The following TUSC3 variants were observed in gnomAD, a reference collection of about 807,000 sequenced individuals.
TUSC3 encodes the protein tumor suppressor candidate 3, also known as dolichyl-diphosphooligosaccharide--protein glycosyltransferase subunit TUSC3.
In TUSC3, 45 loss-of-function variants were observed where a neutral mutation model predicts 44.8. That is an observed-to-expected ratio of 1.00 (90% CI 0.79 to 1.29). TUSC3 has a LOEUF of 1.29. Among genes scored for constraint, TUSC3 ranks in the 50% most tolerant of loss-of-function variants. The pLI, the probability that TUSC3 is intolerant of heterozygous loss-of-function variation, is 0.00. For missense variants in TUSC3, 519 were observed against 437.9 expected, an observed-to-expected ratio of 1.19 and a Z score of -1.65; for synonymous variants, 212 against 152.9, an observed-to-expected ratio of 1.39 and a Z score of -2.85.
intron 1 of TUSC3, among the ~76,000 whole-genome samples, chr8:15,424,326 C>G (rs1475320150): frequency 6.6e-6 from 1 of 151,986 alleles, no homozygotes; most frequent in African/African-American, 2.4e-5. Flanking sequence ...CTCAGCAACT[C>G]TAGAACAACC....
chr8:15,792,595 TTTC>T, the TUSC3 span, among the ~76,000 whole-genome samples: 3 of 152,064 alleles, frequency 2.0e-5, no homozygotes, highest in Non-Finnish European at 4.4e-5. Flanking sequence ...ATACCTACTA[TTTC>T]TTTTTTTCTT....
chr8:15,602,290 T>G (rs956533190), intron 1 of TUSC3, among the ~76,000 whole-genome samples: 1 of 151,670 alleles, frequency 6.6e-6, no homozygotes, highest in Non-Finnish European at 1.5e-5. Context: ...TGCAGAACTA[T>G]TTAGCTTTTG....
the TUSC3 span, among the ~76,000 whole-genome samples, chr8:15,825,021 C>A: frequency 1.3e-5 from 2 of 152,126 alleles, no homozygotes; most frequent in Non-Finnish European, 2.9e-5. Context: ...TTTAAATTTT[C>A]AAAGGTTATA....
chr8:15,477,320 G>T (rs1368172388), intron 1 of TUSC3, among the ~76,000 whole-genome samples: 1 of 152,086 alleles, frequency 6.6e-6, no homozygotes, highest in Non-Finnish European at 1.5e-5. Flanking sequence ...AAGAAACTTT[G>T]CCTATAACCT....
chr8:15,512,970 C>G (rs188305511), intron 2 of TUSC3, among the ~76,000 whole-genome samples: 2 of 110,040 alleles, frequency 1.8e-5, no homozygotes, highest in Non-Finnish European at 1.7e-5. Context: ...GATTCTTTTT[C>G]TCTGGAAAAT....
At chr8:15,524,072 T>A (rs968113246) in intron 2 of TUSC3, among the ~76,000 whole-genome samples, 11 of 132,770 alleles carry the variant, frequency 8.3e-5, no homozygotes, top group African/African-American at 1.1e-4. Context: ...AAAAAAAAAA[T>A]AGAAATCAGA....
chr8:15,615,277 G>A (rs918218619), intron 1 of TUSC3, among the ~76,000 whole-genome samples: 25 of 152,200 alleles, frequency 1.6e-4, no homozygotes, highest in Admixed American at 2.0e-4. Flanking sequence ...TTATTCAGCT[G>A]TAAGAAGAAA....
At chr8:15,449,710 T>A (rs1201718630) in intron 1 of TUSC3, among the ~76,000 whole-genome samples, 3 of 152,194 alleles carry the variant, frequency 2.0e-5, no homozygotes. Context: ...CCTTTCAGTC[T>A]GCTGGGGGCT....
At chr8:15,597,124 G>GA (rs1804106721) in intron 1 of TUSC3, among the ~76,000 whole-genome samples, 1 of 152,134 alleles carries the variant, frequency 6.6e-6, no homozygotes, top group Non-Finnish European at 1.5e-5. Context: ...AGAATATGGA[G>GA]ATGAGGTAGC....
intron 9 of TUSC3, chr8:15,748,726 A>AT (rs755542684): frequency 1.6e-6 from 1 of 606,538 alleles, no homozygotes; most frequent in Non-Finnish European, 3.1e-6. Context: ...GTTTAAGCTC[A>AT]TTTTGAGGAC....
intron 1 of TUSC3, among the ~76,000 whole-genome samples, chr8:15,589,695 G>A (rs1803742404): frequency 6.7e-6 from 1 of 148,368 alleles, no homozygotes; most frequent in African/African-American, 2.5e-5. Context: ...AGAAAAAAAT[G>A]CATGTCTGAT....
chr8:15,780,495 G>A, the TUSC3 span, among the ~76,000 whole-genome samples: 1 of 152,238 alleles, frequency 6.6e-6, no homozygotes, highest in South Asian at 2.1e-4. Flanking sequence ...CACTTGCAGG[G>A]GCTTCATTCC....
chr8:15,428,377 C>T lies in TUSC3; in HGVS notation n.91+11072C>T, dbSNP rs1194995398. 2.6e-5 allele frequency among the ~76,000 whole-genome samples: 4 copies of T among 151,926 alleles called. No individual in the cohort carries two copies. The East Asian group carries it at 5.8e-4, about 22-fold the overall frequency. ...CTTAATCCAGTCTATCATTGTTGGA[C>T]ATTTGGGTTGGTTCCAAGTCTTTGC... On this transcript the variant is annotated intron_variant and non_coding_transcript_variant, in intron 1 of 5. Transcript: ENST00000503191.
chr8:15,772,020 C>T, the TUSC3 span, among the ~76,000 whole-genome samples: 2 of 151,952 alleles, frequency 1.3e-5, no homozygotes, highest in East Asian at 1.9e-4. Flanking sequence ...ACCCAGGAGG[C>T]GGAGCTTGCA....
chr8:15,569,012 A>G (rs1480625408), intron 1 of TUSC3, among the ~76,000 whole-genome samples: 1 of 152,092 alleles, frequency 6.6e-6, no homozygotes, highest in Non-Finnish European at 1.5e-5. Context: ...AGTAGACCTG[A>G]TTTACATTAG....
chr8:15,723,028 T>C (rs1810361889), intron 6 of TUSC3, among the ~76,000 whole-genome samples: 1 of 152,126 alleles, frequency 6.6e-6, no homozygotes, highest in Admixed American at 6.6e-5. Flanking sequence ...TGTAGGAGTT[T>C]CCATATATAG....
chr8:15,450,887 G>GA (rs1345464915), intron 1 of TUSC3, among the ~76,000 whole-genome samples: 1 of 152,126 alleles, frequency 6.6e-6, no homozygotes, highest in East Asian at 1.9e-4. Context: ...TCCACAGGCA[G>GA]AAACAATGCC....
intron 1 of TUSC3, among the ~76,000 whole-genome samples, chr8:15,620,489 G>C (rs1364545766): frequency 1.3e-5 from 2 of 152,036 alleles, no homozygotes; most frequent in Non-Finnish European, 2.9e-5. Flanking sequence ...GAAATCTGTA[G>C]CACAGTGGTT....
intron 1 of TUSC3, among the ~76,000 whole-genome samples, chr8:15,610,604 A>C (rs1248530112): frequency 6.6e-6 from 1 of 152,238 alleles, no homozygotes; most frequent in East Asian, 1.9e-4. Context: ...AGTTTCGGAA[A>C]CAGTTGTTAC....
Sources: allele counts gnomAD v4.1 joint callset (sites outside exome capture counted in the v4.1 genomes callset), GRCh38; gene constraint gnomAD v4.1.1; transcripts MANE v1.5; gene names NCBI Gene and HGNC (gene_info 2026-07-23, HGNC 2026-07-21).